Variants in ADGRB1 observed in about 807,000 individuals in gnomAD.
ADGRB1 encodes adhesion G protein-coupled receptor B1.
In ADGRB1, 36 loss-of-function variants were observed where a neutral mutation model predicts 175.7. The observed-to-expected ratio is 0.20, with a 90% CI of 0.16 to 0.27. ADGRB1 has a LOEUF of 0.27. Ranked by LOEUF, ADGRB1 falls within the 10% of genes least tolerant of loss-of-function variation. ADGRB1 has a pLI of 1.00. For missense variants in ADGRB1, 1,731 were observed against 2,255.3 expected (o/e 0.77, Z 4.71); for synonymous variants, 1,054 against 979.4 (o/e 1.08, Z -1.42).
At chr8:142,533,955 C>T (rs1163818308) in intron 25 of ADGRB1, among the ~76,000 whole-genome samples, 1 of 152,314 alleles carries the variant, frequency 6.6e-6, no homozygotes, top group African/African-American at 2.4e-5. Context: ...GCATGCATGT[C>T]GACCTGGGTG....
At chr8:142,496,361 T>G (rs1446957740) in intron 17 of ADGRB1, among the ~76,000 whole-genome samples, 4 of 148,900 alleles carry the variant, frequency 2.7e-5, no homozygotes. Flanking sequence ...GATGGGTGAA[T>G]AGGTGGGTGG....
chr8:142,528,095 C>G (rs753019735), intron 24 of ADGRB1, among the ~76,000 whole-genome samples: 1 of 152,174 alleles, frequency 6.6e-6, no homozygotes, highest in African/African-American at 2.4e-5. Context: ...TGGAGGGGCA[C>G]CCAGTACACC....
chr8:142,535,199 C>G (rs762377922), intron 25 of ADGRB1, among the ~76,000 whole-genome samples: 4 of 152,136 alleles, frequency 2.6e-5, no homozygotes, highest in South Asian at 2.1e-4. Context: ...ACCAACTGAC[C>G]GGTGACGGGA....
chr8:142,520,762 C>A, intron 19 of ADGRB1, 61 bp from the exon 20 acceptor site: 1 of 1,443,284 alleles, frequency 6.9e-7, no homozygotes, highest in Admixed American at 1.7e-5. Context: ...CACAGGACCA[C>A]AGCCCCTGTG....
chr8:142,460,764 G>C (rs1167724179), intron 1 of ADGRB1, among the ~76,000 whole-genome samples: 1 of 152,172 alleles, frequency 6.6e-6, no homozygotes, highest in Non-Finnish European at 1.5e-5. Context: ...GAAGTGGGCC[G>C]TGTGCACCTT....
In ADGRB1 at chr8:142,526,666, T is replaced by G. The variant is rs1346194437; in HGVS notation, c.3398+39T>G. The G allele has an allele frequency of 5.7e-6, 9 of 1,575,254 alleles. No homozygotes were observed. In the South Asian group the frequency reaches 9.2e-5, roughly 16 times the overall value. Reference sequence around the variant, plus strand: ...TACGCGGCTCCTTGCCCACCCGGAGTGCAAGACCCAGAGCCCACCCAGCCC... The same window carrying G: ...TACGCGGCTCCTTGCCCACCCGGAGGGCAAGACCCAGAGCCCACCCAGCCC... On this transcript the variant is annotated intron_variant, in intron 24 of 30. Transcript: ENST00000517894.
intron 10 of ADGRB1, 48 bp downstream of exon 10, chr8:142,481,408 G>A (rs1364658771): frequency 1.1e-5 from 18 of 1,607,344 alleles, no homozygotes; most frequent in Non-Finnish European, 1.4e-5. Context: ...AATCACCCTG[G>A]CCACACAGGT....
chr8:142,490,654 A>T, intron 16 of ADGRB1, 118 bp from the exon 17 acceptor site: 1 of 1,219,342 alleles, frequency 8.2e-7, no homozygotes, highest in South Asian at 1.4e-5. Context: ...CAGTCTGTTC[A>T]GGGACCCGCA....
intron 17 of ADGRB1, among the ~76,000 whole-genome samples, chr8:142,499,752 T>C (rs932550854): frequency 1.1e-4 from 16 of 152,028 alleles, no homozygotes; most frequent in African/African-American, 3.1e-4. Flanking sequence ...GCCCTGAAGG[T>C]GAGCAGAGAT....
In ADGRB1 at chr8:142,541,928, G is replaced by T. The variant is rs371301846; in HGVS notation, c.3707-13G>T. On this transcript the variant is annotated splice_polypyrimidine_tract_variant and intron_variant, in intron 27 of 30. Coordinates refer to ENST00000517894, the MANE Select transcript of ADGRB1 (RefSeq NM_001702.3). ...CACACCTGTCCCCGCTGTCTCCCCC[G>T]CGGCCCCTGCAGTGCTGAACAAGGA... 3.3e-6 allele frequency: 5 copies of T among 1,533,886 alleles called. No homozygotes were observed. The African/African-American group carries it at 6.8e-5, about 21-fold the overall frequency.
intron 17 of ADGRB1, among the ~76,000 whole-genome samples, chr8:142,491,164 G>A (rs1036705609): frequency 1.4e-4 from 21 of 152,380 alleles, no homozygotes; most frequent in Middle Eastern, 3.4e-3. Context: ...GCAGGTGGGT[G>A]CCAGGCACTG....
intron 24 of ADGRB1, among the ~76,000 whole-genome samples, chr8:142,528,374 C>T (rs1288537974): frequency 6.6e-6 from 1 of 152,202 alleles, no homozygotes; most frequent in African/African-American, 2.4e-5. Context: ...CCACAGCGCC[C>T]ACGCCCCAGG....
At chr8:142,503,218 G>A (rs530362530) in intron 17 of ADGRB1, among the ~76,000 whole-genome samples, 1 of 152,062 alleles carries the variant, frequency 6.6e-6, no homozygotes, top group Non-Finnish European at 1.5e-5. Context: ...CAGATGGCAG[G>A]CCAGGTGGGT....
chr8:142,533,580 A>G (rs1401326901), intron 25 of ADGRB1, 114 bp downstream of exon 25: 20 of 1,283,076 alleles, frequency 1.6e-5, no homozygotes, highest in Non-Finnish European at 1.8e-5. Flanking sequence ...CGCAGCATCC[A>G]TGACCCTGAC....
At chr8:142,525,099 G>T (rs1489439431) in intron 23 of ADGRB1, among the ~76,000 whole-genome samples, 2 of 152,110 alleles carry the variant, frequency 1.3e-5, no homozygotes, top group African/African-American at 4.8e-5. Flanking sequence ...TCAGGCACAG[G>T]CTGGGCCTAG....
intron 2 of ADGRB1, among the ~76,000 whole-genome samples, chr8:142,468,730 C>T (rs539230212): frequency 6.6e-6 from 1 of 152,338 alleles, no homozygotes; most frequent in Non-Finnish European, 1.5e-5. Flanking sequence ...TGTGACCTTT[C>T]ATTGCAGGCT....
intron 17 of ADGRB1, among the ~76,000 whole-genome samples, chr8:142,509,783 G>T (rs1321447300): frequency 2.0e-5 from 3 of 152,252 alleles, no homozygotes; most frequent in Non-Finnish European, 4.4e-5. Context: ...GAGACCAGCA[G>T]CTGGGGCTCC....
At position 142,477,524 on chromosome 8, in the gene ADGRB1, G is replaced by A; in HGVS notation, c.1362G>A (p.Lys454=). The change falls in exon 6 of 31, where the codon AAG becomes AAA. Residue 454 remains lysine, a synonymous_variant. Coordinates refer to ENST00000517894, the MANE Select transcript of ADGRB1 (RefSeq NM_001702.3). ...NPCEGPEKQT[K]FCNIALCPGR... ...GTGAGGGCCCTGAGAAGCAAACCAA[G>A]TTCTGCAACATTGCCCTGTGCCCTG... is the stretch of plus-strand genomic sequence containing the variant. The A allele has an allele frequency of 1.9e-6, 3 of 1,613,202 alleles. No homozygotes were observed. Among genetic ancestry groups the A allele is most frequent in the Middle Eastern group, 1.7e-4 (1 of 6,058 alleles).
chr8:142,541,916 G>A (rs945530692), intron 27 of ADGRB1, 25 bp from the exon 28 acceptor site: 36 of 1,523,896 alleles, frequency 2.4e-5, no homozygotes, highest in Non-Finnish European at 2.8e-5. Context: ...ACCTGTCCCC[G>A]CTGTCTCCCC....
Sources: allele counts gnomAD v4.1 joint callset (sites outside exome capture counted in the v4.1 genomes callset), GRCh38; gene constraint gnomAD v4.1.1; transcripts MANE v1.5; gene names NCBI Gene and HGNC (gene_info 2026-07-23, HGNC 2026-07-21).